NELL2: variants seen among roughly 807,000 people sequenced by gnomAD.
The protein encoded by NELL2 is protein kinase C-binding protein NELL2.
A neutral mutation model predicts 109.6 loss-of-function variants in NELL2; 41 were observed. That is an observed-to-expected ratio of 0.37 (90% CI 0.29 to 0.49). The LOEUF is 0.49. Ranked by LOEUF, NELL2 falls within the 20% of genes least tolerant of loss-of-function variation. The pLI is 0.98. For missense variants in NELL2, 900 were observed against 1,008.3 expected (o/e 0.89, Z 1.45); for synonymous variants, 355 against 344.7 (o/e 1.03, Z -0.33).
intron 9 of NELL2, among the ~76,000 whole-genome samples, chr12:44,743,608 T>C (rs1940138607): frequency 2.0e-5 from 3 of 152,094 alleles, no homozygotes. Flanking sequence ...GAGGAAGATC[T>C]ACCAAGCAAA....
intron 1 of NELL2, among the ~76,000 whole-genome samples, chr12:44,891,351 C>T (rs1312123469): frequency 6.6e-6 from 1 of 152,220 alleles, no homozygotes; most frequent in East Asian, 1.9e-4. Flanking sequence ...AAATTATCCA[C>T]ACTCCAATCC....
chr12:44,779,972 T>G lies in NELL2; in HGVS notation c.386A>C (p.Tyr129Ser). 1 of 1,613,912 alleles carries G rather than the reference T, an allele frequency of 6.2e-7. No homozygotes were observed. The highest frequency in any genetic ancestry group is 8.5e-7 in the Non-Finnish European group (1 of 1,179,818). Residue 129 changes from tyrosine to serine, a missense_variant, in exon 4 of 20, where the codon TAC becomes TCC. Physicochemically the swap from Tyr to Ser is moderately radical, Grantham distance 144. Transcript: ENST00000429094. ...SGHRNEVRLH[Y>S]RSGSHRPHTE... ...GTGAGGGCGGTGACTGCCTGAGCGG[T>G]AATGCAGTCTGACTTCATTCCGATG...
upstream of NELL2, chr12:44,876,488 C>T (rs1195247417): frequency 1.4e-5 from 19 of 1,346,000 alleles, no homozygotes; most frequent in Non-Finnish European, 2.9e-6. Context: ...GCCCAGGAGC[C>T]GTTGCAGCCT....
At chr12:44,920,737 A>G (rs865963246) in intron 1 of NELL2, among the ~76,000 whole-genome samples, 1 of 152,218 alleles carries the variant, frequency 6.6e-6, no homozygotes, top group Non-Finnish European at 1.5e-5. Context: ...GTACTGCCAG[A>G]TTTTAAATTG....
At chr12:44,810,220 T>C (rs1566445845) in intron 3 of NELL2, among the ~76,000 whole-genome samples, 1 of 152,122 alleles carries the variant, frequency 6.6e-6, no homozygotes, top group Non-Finnish European at 1.5e-5. Context: ...TATGACATCA[T>C]GACAGATGTA....
intron 15 of NELL2, among the ~76,000 whole-genome samples, chr12:44,557,408 G>C (rs917522056): frequency 1.3e-5 from 2 of 152,186 alleles, no homozygotes; most frequent in African/African-American, 2.4e-5. Flanking sequence ...TGGAGGTAAA[G>C]TTGAAGGGGA....
chr12:44,797,569 A>G (rs1592554824), intron 3 of NELL2, among the ~76,000 whole-genome samples: 1 of 152,104 alleles, frequency 6.6e-6, no homozygotes, highest in Non-Finnish European at 1.5e-5. Flanking sequence ...CCAGTTGTGT[A>G]TATACATAAA....
At chr12:44,755,591 A>T (rs901535474) in intron 9 of NELL2, among the ~76,000 whole-genome samples, 1 of 152,050 alleles carries the variant, frequency 6.6e-6, no homozygotes, top group Admixed American at 6.6e-5. Context: ...ACTCAAAACT[A>T]CTCCACCTCT....
At chr12:44,834,590 A>G (rs1429980810) in intron 2 of NELL2, among the ~76,000 whole-genome samples, 3 of 152,188 alleles carry the variant, frequency 2.0e-5, no homozygotes, top group Non-Finnish European at 4.4e-5. Flanking sequence ...TTAGCAATAA[A>G]TACTGCGCAG....
intron 15 of NELL2, among the ~76,000 whole-genome samples, chr12:44,590,866 A>G (rs1204726128): frequency 6.6e-6 from 1 of 151,866 alleles, no homozygotes; most frequent in Non-Finnish European, 1.5e-5. Context: ...CTTGCAAACT[A>G]TTTATCCAAG....
At chr12:44,716,220 AAATT>A in intron 9 of NELL2, among the ~76,000 whole-genome samples, 1 of 152,312 alleles carries the variant, frequency 6.6e-6, no homozygotes, top group African/African-American at 2.4e-5. Flanking sequence ...TCAAATAAAT[AAATT>A]AATTAAATAA....
intron 12 of NELL2, among the ~76,000 whole-genome samples, chr12:44,665,954 C>T (rs1337061486): frequency 6.6e-6 from 1 of 152,108 alleles, no homozygotes; most frequent in African/African-American, 2.4e-5. Flanking sequence ...AATCACAGAG[C>T]CTGCCACATA....
upstream of NELL2, among the ~76,000 whole-genome samples, chr12:44,877,662 A>T (rs1945362692): frequency 6.6e-6 from 1 of 152,160 alleles, no homozygotes; most frequent in African/African-American, 2.4e-5. Context: ...TACATATACT[A>T]TATTATACTA....
At chr12:44,687,900 C>T (rs1035654315) in intron 12 of NELL2, among the ~76,000 whole-genome samples, 1 of 152,054 alleles carries the variant, frequency 6.6e-6, no homozygotes, top group African/African-American at 2.4e-5. Context: ...TAATAATTTG[C>T]ATTTCTGTAA....
At position 44,711,274 on chromosome 12, in the gene NELL2, T is replaced by C. The variant is rs982472058; in HGVS notation, c.1189+18A>G. The C allele has an allele frequency of 1.3e-6, 2 of 1,591,256 alleles. No individual in the cohort carries two copies. Among genetic ancestry groups the C allele is most frequent in the Admixed American group, 3.3e-5 (2 of 59,776 alleles). ...AATAACTCTTGCACGTAAACCTTAC[T>C]TTTCAAAAAAGTCTTACCTTTACAA... On this transcript the variant is annotated intron_variant, in intron 11 of 19. Transcript: ENST00000429094.
intron 12 of NELL2, among the ~76,000 whole-genome samples, chr12:44,692,399 C>T (rs1171283052): frequency 1.3e-5 from 2 of 152,178 alleles, no homozygotes; most frequent in Middle Eastern, 6.8e-3. Flanking sequence ...ACTTAGTCAC[C>T]CAAGAGCTCT....
At chr12:44,639,759 T>C (rs1406873198) in intron 13 of NELL2, among the ~76,000 whole-genome samples, 2 of 152,150 alleles carry the variant, frequency 1.3e-5, no homozygotes, top group Non-Finnish European at 2.9e-5. Flanking sequence ...TACAGCAATG[T>C]CTTTAAAACA....
In NELL2 at chr12:44,837,802, C is replaced by A. The variant is rs113905687; in HGVS notation, c.185-21666G>T. ...TGCTAAGGCCTTGACTTTTCTATCC[C>A]ATTTTTGGTAAAAGCAATGTACCTT... On this transcript the variant is annotated intron_variant, in intron 2 of 19. Coordinates refer to ENST00000429094, the MANE Select transcript of NELL2 (RefSeq NM_001145108.2). 3.1e-3 allele frequency among the ~76,000 whole-genome samples: 468 copies of A among 152,180 alleles called. 3 individuals carry two copies. The highest frequency in any genetic ancestry group is 0.011 in the African/African-American group (441 of 41,520).
At chr12:44,651,948 C>T (rs1486103957) in intron 13 of NELL2, among the ~76,000 whole-genome samples, 3 of 152,054 alleles carry the variant, frequency 2.0e-5, no homozygotes, top group African/African-American at 7.2e-5. Context: ...AATGCAGATC[C>T]AAAATTAATA....
Sources: gnomAD v4.1 joint callset for allele counts (sites outside exome capture counted in the v4.1 genomes callset) on GRCh38, gnomAD v4.1.1 for gene constraint, MANE v1.5 for transcripts, NCBI Gene and HGNC (gene_info 2026-07-23, HGNC 2026-07-21) for gene names.